SESN1: variants seen among roughly 807,000 people sequenced by gnomAD.
SESN1 encodes the protein sestrin-1.
SESN1 carries 30 observed loss-of-function variants against 59.3 expected under a neutral mutation model. That is an observed-to-expected ratio of 0.51 (90% CI 0.38 to 0.69). The LOEUF (loss-of-function observed/expected upper bound fraction) is 0.69. Ranked by LOEUF, SESN1 falls within the 30% of genes least tolerant of loss-of-function variation. SESN1 has a pLI of 0.00. For missense variants in SESN1, 566 were observed against 673.0 expected, an observed-to-expected ratio of 0.84 and a Z score of 1.76; for synonymous variants, 197 against 219.9, an observed-to-expected ratio of 0.90 and a Z score of 0.92.
At chr6:109,036,880 G>A (rs1013254829) in intron 1 of SESN1, among the ~76,000 whole-genome samples, 3 of 152,100 alleles carry the variant, frequency 2.0e-5, no homozygotes, top group East Asian at 1.9e-4. Flanking sequence ...TAAAACAGTC[G>A]TAAATCTGAG....
At chr6:109,009,441 G>A (rs867105017) in intron 1 of SESN1, 2 of 1,364,744 alleles carry the variant, frequency 1.5e-6, no homozygotes, top group Non-Finnish European at 1.9e-6. Flanking sequence ...CGCCTCGTTC[G>A]CGGCGGCGGC....
In SESN1 at chr6:109,085,752, G is replaced by A. The variant is rs141783208; in HGVS notation, c.279+8043C>T. On this transcript the variant is annotated intron_variant, in intron 1 of 9. Coordinates refer to ENST00000436639, the MANE Select transcript of SESN1 (RefSeq NM_014454.3). ...TTAAAAATTTAGATATTTTACCATCGTGTGAAAAAATAAACTGATTTGAGA... is the reference window on the plus strand; with the variant it reads ...TTAAAAATTTAGATATTTTACCATCATGTGAAAAAATAAACTGATTTGAGA... Among the ~76,000 whole-genome samples, 460 of 152,144 alleles carry A rather than the reference G, an allele frequency of 3.0e-3. 2 individuals are homozygous for A. The highest frequency in any genetic ancestry group is 4.5e-3 in the Non-Finnish European group (304 of 68,020).
chr6:109,051,714 A>G (rs1284153017), intron 1 of SESN1, among the ~76,000 whole-genome samples: 1 of 152,180 alleles, frequency 6.6e-6, no homozygotes, highest in Non-Finnish European at 1.5e-5. Context: ...AGACTGGGTA[A>G]TTTATTTAAA....
At chr6:109,078,163 A>G (rs1583298092) in intron 1 of SESN1, among the ~76,000 whole-genome samples, 1 of 152,022 alleles carries the variant, frequency 6.6e-6, no homozygotes, top group Admixed American at 6.6e-5. Flanking sequence ...ACAATTTTCA[A>G]TAATTACAAT....
intron 1 of SESN1, among the ~76,000 whole-genome samples, chr6:109,016,321 T>G (rs1779927011): frequency 6.6e-6 from 1 of 152,228 alleles, no homozygotes; most frequent in Admixed American, 6.5e-5. Context: ...TGATTATTAC[T>G]ACCAAGTGGT....
chr6:108,992,913 C>CCATT lies in SESN1; in HGVS notation c.1121-18_1121-15dup. ...CTTCTTCATCATCTGGGAAAAAAGG[C>CCATT]CATTGAAAGGTTTTTAAAAATAGGA... On this transcript the variant is annotated splice_polypyrimidine_tract_variant and intron_variant, in intron 6 of 9. Transcript: ENST00000436639. 6.5e-7 allele frequency: 1 copy of CCATT among 1,548,954 alleles called. No homozygotes were observed. Among genetic ancestry groups the CCATT allele is most frequent in the Non-Finnish European group, 8.9e-7 (1 of 1,124,190 alleles).
intron 1 of SESN1, among the ~76,000 whole-genome samples, chr6:109,032,815 T>C (rs967756601): frequency 3.3e-5 from 5 of 152,126 alleles, no homozygotes; most frequent in African/African-American, 7.2e-5. Context: ...GATAGGAAGA[T>C]ATACCTTTTA....
Position 109,085,515 on chromosome 6 carries a change from T to TCACACACACACACACACA in SESN1, c.279+8262_279+8279dup, listed in dbSNP as rs59793015. Reference sequence around the variant, plus strand: ...GCCTAGGTGACAGAGTGACACTCCGTCACACACACACACACACACACACAC... The same window carrying TCACACACACACACACACA: ...GCCTAGGTGACAGAGTGACACTCCGTCACACACACACACACACACACACACACACACACACACACACAC... On this transcript the variant is annotated intron_variant, in intron 1 of 9. Coordinates refer to ENST00000436639, the MANE Select transcript of SESN1 (RefSeq NM_014454.3). 2.7e-5 allele frequency among the ~76,000 whole-genome samples: 4 copies of TCACACACACACACACACA among 148,414 alleles called. No homozygotes were observed. The South Asian group carries it at 6.4e-4, about 24-fold the overall frequency.
chr6:109,078,991 A>G (rs1425416437), intron 1 of SESN1, among the ~76,000 whole-genome samples: 4 of 152,154 alleles, frequency 2.6e-5, no homozygotes, highest in African/African-American at 9.7e-5. Context: ...ATATTACTAT[A>G]TATCTACTTC....
At chr6:109,004,518 C>T (rs1268403552) in intron 1 of SESN1, among the ~76,000 whole-genome samples, 1 of 151,646 alleles carries the variant, frequency 6.6e-6, no homozygotes, top group Non-Finnish European at 1.5e-5. Context: ...CTCACTGCAG[C>T]CTCTGCCTCC....
intron 3 of SESN1, 31 bp from the exon 4 acceptor site, chr6:109,000,704 A>T (rs759939642): frequency 1.4e-6 from 2 of 1,468,136 alleles, no homozygotes; most frequent in East Asian, 5.0e-5. Context: ...CTAATTATAA[A>T]TATTAAAACC....
Position 109,094,398 on chromosome 6 carries a change from T to C in SESN1, c.-325A>G, listed in dbSNP as rs946785509. On this transcript the variant is annotated 5_prime_UTR_variant, in exon 1 of 10. Coordinates refer to ENST00000436639, the MANE Select transcript of SESN1 (RefSeq NM_014454.3). ...CTCCGTCTCGCGGGGTCAGTGGATA[T>C]CCTCACGTTGTGGAGCTGTCAAATC... The C allele has an allele frequency of 2.8e-6, 1 of 353,276 alleles. No homozygotes were observed. The allele number at this position is 353,276 out of a possible 1,614,324, so 21.9% of individuals were successfully genotyped here.
At chr6:109,081,607 T>C (rs564136041) in intron 1 of SESN1, among the ~76,000 whole-genome samples, 86 of 152,310 alleles carry the variant, frequency 5.6e-4, no homozygotes, top group Middle Eastern at 6.8e-3. Context: ...TAATGGCTCT[T>C]TAAGACAACT....
chr6:109,054,068 T>G (rs1780589461), intron 1 of SESN1, among the ~76,000 whole-genome samples: 1 of 151,938 alleles, frequency 6.6e-6, no homozygotes, highest in African/African-American at 2.4e-5. Context: ...TTTCTTTTCG[T>G]TTTTTCTTAA....
intron 1 of SESN1, among the ~76,000 whole-genome samples, chr6:109,025,678 A>G (rs1780080239): frequency 6.6e-6 from 1 of 152,030 alleles, no homozygotes; most frequent in Non-Finnish European, 1.5e-5. Flanking sequence ...AATAGTTTTT[A>G]TAATAATTAA....
chr6:109,074,227 T>TTGCC (rs1345878247), intron 1 of SESN1, among the ~76,000 whole-genome samples: 1 of 152,222 alleles, frequency 6.6e-6, no homozygotes, highest in South Asian at 2.1e-4. Context: ...AATTATGTAA[T>TTGCC]TGCCTAACAA....
chr6:109,045,704 C>T (rs1223648091), intron 1 of SESN1, among the ~76,000 whole-genome samples: 2 of 152,178 alleles, frequency 1.3e-5, no homozygotes, highest in African/African-American at 4.8e-5. Context: ...TCCCCTCATC[C>T]CCAACCATCC....
At chr6:108,990,276 T>C (rs1583257474) in intron 8 of SESN1, among the ~76,000 whole-genome samples, 1 of 152,164 alleles carries the variant, frequency 6.6e-6, no homozygotes, top group Admixed American at 6.5e-5. Flanking sequence ...AATATAAGGG[T>C]ACTGATTTCC....
Position 109,001,299 on chromosome 6 carries a change from T to G in SESN1, c.535A>C (p.Ile179Leu), listed in dbSNP as rs1167959734. 2 of 1,613,504 alleles carry G rather than the reference T, an allele frequency of 1.2e-6. No individual in the cohort carries two copies. Among genetic ancestry groups the G allele is most frequent in the South Asian group, 1.1e-5 (1 of 91,030 alleles). The change falls in exon 3 of 10, where the codon ATT becomes CTT. Residue 179 changes from isoleucine (I) to leucine (L), a missense_variant. Transcript: ENST00000436639. ...GAATGTTTACAAACCATTATTCCAA[T>G]GTAGTGACGATAATGTAGGGGTAAC... ...GPLPLHYRHY[I>L]GIMAAARHQC...
Sources: allele counts gnomAD v4.1 joint callset (sites outside exome capture counted in the v4.1 genomes callset), GRCh38; gene constraint gnomAD v4.1.1; transcripts MANE v1.5; gene names NCBI Gene and HGNC (gene_info 2026-07-23, HGNC 2026-07-21).